Variants in ACACB observed in about 807,000 individuals in gnomAD.
ACACB encodes the protein acetyl-CoA carboxylase beta.
A neutral mutation model predicts 278.8 loss-of-function variants in ACACB; 209 were observed. The observed-to-expected ratio is 0.75, with a 90% confidence interval of 0.67 to 0.84. ACACB has a LOEUF of 0.84. Among genes scored for constraint, ACACB ranks in the 40% least tolerant of loss-of-function variants. ACACB has a pLI of 0.00. For missense variants in ACACB, 2,850 were observed against 3,269.0 expected (o/e 0.87, Z 3.13); for synonymous variants, 1,174 against 1,285.6 (o/e 0.91, Z 1.86).
chr12:109,232,844 G>C, intron 29 of ACACB, 38 bp downstream of exon 29: 1 of 1,611,428 alleles, frequency 6.2e-7, no homozygotes, highest in Non-Finnish European at 8.5e-7. Flanking sequence ...CCCTGAGCAT[G>C]GGGGCTGGGC....
At chr12:109,145,411 G>C (rs1310854121) in intron 2 of ACACB, among the ~76,000 whole-genome samples, 1 of 152,180 alleles carries the variant, frequency 6.6e-6, no homozygotes, top group Non-Finnish European at 1.5e-5. Context: ...CTTGCATAGT[G>C]TACATTGTAT....
intron 2 of ACACB, among the ~76,000 whole-genome samples, chr12:109,149,067 C>T (rs1268772976): frequency 6.6e-6 from 1 of 152,204 alleles, no homozygotes; most frequent in Non-Finnish European, 1.5e-5. Context: ...CCAGGCCTCT[C>T]AGCAAGGTAA....
rs539286659 is a variant in ACACB at position 109,198,898 on chromosome 12, A to G, written c.2628-504A>G. Among the ~76,000 whole-genome samples, 3 of 151,962 alleles carry G rather than the reference A, an allele frequency of 2.0e-5. 1 individual carries two copies. The South Asian group carries it at 6.2e-4, about 32-fold the overall frequency. On this transcript the variant is annotated intron_variant, in intron 17 of 52. Transcript: ENST00000338432. ...ACCTCGGCCTCCCAAAGAAAGCATC[A>G]CAGCCTTGGCCAGGCACAGTGGCTC...
intron 1 of ACACB, among the ~76,000 whole-genome samples, chr12:109,138,430 C>T (rs1329026686): frequency 6.6e-6 from 1 of 152,276 alleles, no homozygotes; most frequent in Non-Finnish European, 1.5e-5. Context: ...GCATACCCCA[C>T]ACTGGGGATG....
intron 24 of ACACB, among the ~76,000 whole-genome samples, chr12:109,220,401 A>C (rs1265475616): frequency 6.6e-6 from 1 of 152,160 alleles, no homozygotes; most frequent in African/African-American, 2.4e-5. Context: ...TTTTAAAGGG[A>C]CCTAGTTTCT....
chr12:109,266,496 G>T lies in ACACB; in HGVS notation c.*134G>T, dbSNP rs1017611686. 7.8e-6 allele frequency: 9 copies of T among 1,161,192 alleles called. No individual in the cohort carries two copies. Among genetic ancestry groups the T allele is most frequent in the Non-Finnish European group, 1.0e-5 (9 of 872,956 alleles). 71.9% of individuals were successfully genotyped at this position (1,161,192 alleles called of 1,614,324 possible). ...CCTGGGCACTTCTGCAGGGCTGCTGGTTCCGAGCTGACACCCGTCTTAACA... is the reference window on the plus strand; with the variant it reads ...CCTGGGCACTTCTGCAGGGCTGCTGTTTCCGAGCTGACACCCGTCTTAACA... On this transcript the variant is annotated 3_prime_UTR_variant, in exon 53 of 53. Coordinates refer to ENST00000338432, the MANE Select transcript of ACACB (RefSeq NM_001093.4).
chr12:109,128,647 G>T lies in ACACB; in HGVS notation c.-9-10750G>T, dbSNP rs116637242. On this transcript the variant is annotated intron_variant, in intron 1 of 52. Coordinates refer to ENST00000338432, the MANE Select transcript of ACACB (RefSeq NM_001093.4). ...AGCCACTGCACCCAGTCAGTAATTAGATTTTAATTTTAAAAGTTTTTCTTT... is the reference window on the plus strand; with the variant it reads ...AGCCACTGCACCCAGTCAGTAATTATATTTTAATTTTAAAAGTTTTTCTTT... 7.4e-3 allele frequency among the ~76,000 whole-genome samples: 1,120 copies of T among 152,082 alleles called. 13 individuals carry two copies. Among genetic ancestry groups the T allele is most frequent in the African/African-American group, 0.026 (1,063 of 41,510 alleles).
At chr12:109,142,344 G>T (rs1205200619) in intron 2 of ACACB, among the ~76,000 whole-genome samples, 2 of 152,076 alleles carry the variant, frequency 1.3e-5, no homozygotes, top group Non-Finnish European at 2.9e-5. Context: ...CAAAATAGTC[G>T]TGAAGATTAA....
rs1324480348 is a variant in ACACB, at chr12:109,268,188, A to C, written c.*1826A>C. On this transcript the variant is annotated 3_prime_UTR_variant, in exon 53 of 53. Transcript: ENST00000338432. This position sits in a 1 kb window ranked among gnomAD's most constrained non-coding sequence, Gnocchi z 4.2. The stretch of plus-strand genomic sequence containing the variant: ...CCCTGGAACGGTGGGCAGAGAGCCT[A>C]CTAGGAAATGTGCAGAATAAACTAT... 1 of 152,184 alleles carries C rather than the reference A, an allele frequency of 6.6e-6. No homozygotes were observed. Among genetic ancestry groups the C allele is most frequent in the African/African-American group, 2.4e-5 (1 of 41,440 alleles). The allele number at this position is 152,184 out of a possible 1,614,324, so 9.4% of individuals were successfully genotyped here.
At chr12:109,210,624 T>A (rs1173571390) in intron 21 of ACACB, among the ~76,000 whole-genome samples, 1 of 150,308 alleles carries the variant, frequency 6.7e-6, no homozygotes, top group African/African-American at 2.4e-5. Context: ...TTTTTAAGAA[T>A]TATACTGAGG....
rs1565857567 is a variant in ACACB, at chr12:109,140,283, C to CA, written c.653+225_653+226insA. ...CCTTCCTTCCTTCTTTCCTTCCTTCCTTCCTTCCTTCCTTCCTTCCTTCCT... is the reference window on the plus strand; with the variant it reads ...CCTTCCTTCCTTCTTTCCTTCCTTCCATTCCTTCCTTCCTTCCTTCCTTCCT... On this transcript the variant is annotated intron_variant, in intron 2 of 52. Transcript: ENST00000338432. Among the ~76,000 whole-genome samples, 191 of 61,932 alleles carry CA rather than the reference C, an allele frequency of 3.1e-3. 9 individuals carry two copies. The highest frequency in any genetic ancestry group is 0.012 in the East Asian group (17 of 1,476). 40.6% of individuals were successfully genotyped at this position (61,932 alleles called of 152,430 possible).
rs767740857 is a variant in ACACB, at chr12:109,179,223, C to A, written c.1573C>A (p.Arg525=). ...SLFGRDCSIQ[R]RHQKIVEEAP... is the part of the protein sequence containing the mutation. ...GTTTGGTCGCGACTGCTCCATCCAG[C>A]GGCGGCATCAGAAGATCGTTGAGGA... is the stretch of plus-strand genomic sequence containing the variant. Residue 525 remains arginine, a synonymous_variant, in exon 10 of 53, where the codon CGG becomes AGG. Transcript: ENST00000338432. The A allele has an allele frequency of 2.5e-6, 4 of 1,613,922 alleles. No individual in the cohort carries two copies. In the South Asian group the frequency reaches 3.3e-5, roughly 13 times the overall value.
chr12:109,237,213 C>T lies in ACACB; in HGVS notation c.4495C>T (p.Gln1499Ter), dbSNP rs1308328092. The T allele has an allele frequency of 1.9e-6, 3 of 1,614,158 alleles. No individual in the cohort carries two copies. The highest frequency in any genetic ancestry group is 3.3e-5 in the Admixed American group (2 of 60,022). ...YRHLEPALAF[Q>*]LELNRMRNFD... ...TCACTTGGAACCTGCCCTGGCCTTCCAGCTGGAACTTAACCGGATGCGTAA... is the reference window on the plus strand; with the variant it reads ...TCACTTGGAACCTGCCCTGGCCTTCTAGCTGGAACTTAACCGGATGCGTAA... Residue 1499 changes from glutamine to a stop codon, truncating the protein, a stop_gained, in exon 34 of 53, where the codon CAG becomes TAG. Transcript: ENST00000338432. LOFTEE classifies it high-confidence loss of function.
In ACACB at chr12:109,118,834, G is replaced by A. The variant is rs562704343; in HGVS notation, c.-10+2130G>A. ...AGAGTTAGAAATATTGCATTTGATC[G>A]GAAAAATGTATGCACATTTCACATC... On this transcript the variant is annotated intron_variant, in intron 1 of 52. Transcript: ENST00000338432. Among the ~76,000 whole-genome samples the A allele has an allele frequency of 5.9e-5, 9 of 152,220 alleles. No homozygotes were observed. In the South Asian group the frequency reaches 1.9e-3, roughly 32 times the overall value.
intron 24 of ACACB, among the ~76,000 whole-genome samples, chr12:109,218,623 C>T (rs1246505041): frequency 6.7e-6 from 1 of 149,856 alleles, no homozygotes; most frequent in African/African-American, 2.5e-5. Context: ...GCAACTTGGA[C>T]TTGGCTTATA....
chr12:109,171,833 C>G lies in ACACB; in HGVS notation c.954C>G (p.Val318=). The G allele has an allele frequency of 6.2e-7, 1 of 1,614,104 alleles. No individual in the cohort carries two copies. The highest frequency in any genetic ancestry group is 1.1e-5 in the South Asian group (1 of 91,076). The part of the protein sequence containing the change: ...AEYIKMADHY[V]PVPGGPNNNN... Reference sequence around the variant, plus strand: ...ACATCAAGATGGCGGATCATTACGTCCCCGTCCCAGGAGGGCCCAATAACA... The same window carrying G: ...ACATCAAGATGGCGGATCATTACGTGCCCGTCCCAGGAGGGCCCAATAACA... Residue 318 remains valine (V), a synonymous_variant, in exon 5 of 53, where the codon GTC becomes GTG. Coordinates refer to ENST00000338432, the MANE Select transcript of ACACB (RefSeq NM_001093.4).
At chr12:109,189,170 TG>T (rs1734862678) in intron 13 of ACACB, among the ~76,000 whole-genome samples, 1 of 152,212 alleles carries the variant, frequency 6.6e-6, no homozygotes, top group Non-Finnish European at 1.5e-5. Flanking sequence ...AATGTTTTTG[TG>T]TGGGTAACTG....
intron 21 of ACACB, among the ~76,000 whole-genome samples, chr12:109,211,341 T>C (rs2045841261): frequency 7.2e-6 from 1 of 139,264 alleles, no homozygotes; most frequent in Admixed American, 7.2e-5. Context: ...ATGTGATTCC[T>C]CTTTTTTTTT....
chr12:109,206,225 A>G (rs1262830356), intron 19 of ACACB, among the ~76,000 whole-genome samples: 1 of 152,022 alleles, frequency 6.6e-6, no homozygotes, highest in African/African-American at 2.4e-5. Context: ...CATGAGGTCA[A>G]GAGATCAAGA....
Sources: allele counts gnomAD v4.1 joint callset (sites outside exome capture counted in the v4.1 genomes callset), GRCh38; gene constraint gnomAD v4.1.1; non-coding constraint Gnocchi (gnomAD v3.1); transcripts MANE v1.5; gene names NCBI Gene and HGNC (gene_info 2026-07-23, HGNC 2026-07-21).